The following VAC14 variants were observed in gnomAD, a reference collection of about 807,000 sequenced individuals.
The protein encoded by VAC14 is protein VAC14 homolog.
A neutral mutation model predicts 85.3 loss-of-function variants in VAC14; 47 were observed. The ratio of observed to expected loss-of-function variants is 0.55; its 90% CI spans 0.44 to 0.70. The LOEUF (loss-of-function observed/expected upper bound fraction) is 0.70, where lower values mean the gene tolerates loss of function less well. VAC14 is among the 30% of genes least tolerant of loss of function. The pLI, the probability that VAC14 is intolerant of heterozygous loss-of-function variation, is 0.00. For missense variants in VAC14, 861 were observed against 1,004.3 expected, an observed-to-expected ratio of 0.86 and a Z score of 1.93; for synonymous variants, 447 against 430.5, an observed-to-expected ratio of 1.04 and a Z score of -0.47.
intron 17 of VAC14, among the ~76,000 whole-genome samples, chr16:70,694,585 G>GGGCGGGTCA (rs1216963457): frequency 2.6e-5 from 4 of 152,202 alleles, no homozygotes; most frequent in African/African-American, 9.6e-5. Context: ...GGCTTAGGCC[G>GGGCGGGTCA]GGCGGGTCAG....
At chr16:70,772,527 T>C (rs2033293365) in intron 9 of VAC14, 2 of 227,324 alleles carry the variant, frequency 8.8e-6, no homozygotes, top group Admixed American at 5.3e-5. Context: ...AACCACAAGA[T>C]ACTACTGTAC....
intron 13 of VAC14, among the ~76,000 whole-genome samples, chr16:70,738,646 G>A (rs942007904): frequency 6.6e-6 from 1 of 152,218 alleles, no homozygotes; most frequent in Non-Finnish European, 1.5e-5. Flanking sequence ...CTGGCAGCAC[G>A]GGTATGAGAG....
At chr16:70,750,689 C>T (rs746400039) in intron 12 of VAC14, among the ~76,000 whole-genome samples, 1 of 152,178 alleles carries the variant, frequency 6.6e-6, no homozygotes, top group South Asian at 2.1e-4. Flanking sequence ...GGGGCCACCA[C>T]AGGCTGTCGC....
At chr16:70,786,411 C>T (rs1298358313) in intron 1 of VAC14, 46 bp from the exon 2 acceptor site, 1 of 1,597,250 alleles carries the variant, frequency 6.3e-7, no homozygotes, top group Non-Finnish European at 8.6e-7. Flanking sequence ...GCTACCTCTG[C>T]TGTGGCCTCC....
intron 12 of VAC14, among the ~76,000 whole-genome samples, chr16:70,758,962 C>A (rs896886411): frequency 1.3e-5 from 2 of 152,188 alleles, no homozygotes; most frequent in Admixed American, 1.3e-4. Flanking sequence ...AAGGCAGAGA[C>A]AACTGAGGAT....
chr16:70,710,324 C>G (rs546452532), intron 14 of VAC14, among the ~76,000 whole-genome samples: 1 of 152,258 alleles, frequency 6.6e-6, no homozygotes, highest in Non-Finnish European at 1.5e-5. Context: ...GGCAGAGACA[C>G]CCCTTCACCC....
chr16:70,711,606 C>A (rs2054035989), intron 14 of VAC14, among the ~76,000 whole-genome samples: 1 of 152,172 alleles, frequency 6.6e-6, no homozygotes, highest in Non-Finnish European at 1.5e-5. Context: ...GGCCTCCTGA[C>A]AGCCATGTGG....
At chr16:70,784,251 A>G in intron 4 of VAC14, 31 bp from the exon 5 acceptor site, 1 of 1,595,172 alleles carries the variant, frequency 6.3e-7, no homozygotes, top group Non-Finnish European at 8.6e-7. Flanking sequence ...AGCTGCCGAG[A>G]GCCCGAGACC....
At position 70,731,428 on chromosome 16, in the gene VAC14, G is replaced by A. The variant is rs183165517; in HGVS notation, c.1661+67C>T. ...AGAGAAGGTGGCTGCTTTGACACTT[G>A]AATGGCGTGAAAGTGAAAAGCCGGG... On this transcript the variant is annotated intron_variant, in intron 14 of 18. Transcript: ENST00000261776. The A allele has an allele frequency of 6.6e-4, 1,042 of 1,572,124 alleles. 3 individuals are homozygous for A. Among genetic ancestry groups the A allele is most frequent in the Middle Eastern group, 3.1e-3 (17 of 5,432 alleles).
intron 9 of VAC14, among the ~76,000 whole-genome samples, chr16:70,775,613 C>T (rs770252588): frequency 2.0e-5 from 3 of 152,180 alleles, no homozygotes; most frequent in Admixed American, 6.5e-5. Flanking sequence ...CTCAGATGCT[C>T]GTCCTCCTAG....
At chr16:70,711,933 C>A (rs970485302) in intron 14 of VAC14, among the ~76,000 whole-genome samples, 1 of 152,116 alleles carries the variant, frequency 6.6e-6, no homozygotes, top group African/African-American at 2.4e-5. Context: ...CTCTGAGAGG[C>A]CGGTAAAAAG....
intron 1 of VAC14, among the ~76,000 whole-genome samples, chr16:70,795,555 T>C (rs534202797): frequency 1.3e-5 from 2 of 149,302 alleles, no homozygotes; most frequent in African/African-American, 2.5e-5. Context: ...CTCTGGCACC[T>C]TCCCCACAGA....
intron 18 of VAC14, chr16:70,689,792 T>G (rs565567849): frequency 1.0e-6 from 1 of 985,354 alleles, no homozygotes; most frequent in African/African-American, 1.7e-5. Context: ...TAGGCTGTGG[T>G]TGCTACTGGG....
At chr16:70,779,986 G>A (rs2033727550) in intron 9 of VAC14, among the ~76,000 whole-genome samples, 2 of 151,386 alleles carry the variant, frequency 1.3e-5, no homozygotes, top group South Asian at 2.1e-4. Flanking sequence ...GGGACTATAG[G>A]TGTGCACCAC....
At chr16:70,731,777 C>A (rs1339606791) in intron 13 of VAC14, 150 bp from the exon 14 acceptor site, 10 of 889,780 alleles carry the variant, frequency 1.1e-5, no homozygotes, top group Non-Finnish European at 1.6e-5. Flanking sequence ...AATCAAGAGC[C>A]ATGGAGCAAC....
intron 1 of VAC14, among the ~76,000 whole-genome samples, chr16:70,794,251 C>T (rs2143338928): frequency 6.6e-6 from 1 of 152,208 alleles, no homozygotes; most frequent in East Asian, 1.9e-4. Flanking sequence ...ATTTTTTTAC[C>T]ATCCCCAAAA....
intron 14 of VAC14, among the ~76,000 whole-genome samples, chr16:70,710,751 C>T (rs575629670): frequency 8.2e-4 from 125 of 152,378 alleles, no homozygotes; most frequent in South Asian, 7.7e-3. Flanking sequence ...GCCTTGAAGC[C>T]ACGGACCCAA....
At chr16:70,711,435 T>A (rs1270183244) in intron 14 of VAC14, among the ~76,000 whole-genome samples, 1 of 150,660 alleles carries the variant, frequency 6.6e-6, no homozygotes, top group Non-Finnish European at 1.5e-5. Context: ...CTGTGCAGAG[T>A]CTGGGTCCTG....
intron 17 of VAC14, among the ~76,000 whole-genome samples, chr16:70,695,333 G>A (rs60287657): frequency 0.026 from 3,889 of 151,998 alleles, 178 homozygotes; most frequent in African/African-American, 0.09. Context: ...GGCTGGTCTC[G>A]AACTCCTGCC....
Sources: allele counts gnomAD v4.1 joint callset (sites outside exome capture counted in the v4.1 genomes callset), GRCh38; gene constraint gnomAD v4.1.1; transcripts MANE v1.5; gene names NCBI Gene and HGNC (gene_info 2026-07-23, HGNC 2026-07-21).